The following CORO2B variants were observed in gnomAD, a reference collection of about 807,000 sequenced individuals.
CORO2B encodes the protein coronin-2B.
A neutral mutation model predicts 58.8 loss-of-function variants in CORO2B; 26 were observed. The ratio of observed to expected loss-of-function variants is 0.44; its 90% CI spans 0.32 to 0.61. The LOEUF (loss-of-function observed/expected upper bound fraction) is 0.61, where lower values mean the gene tolerates loss of function less well. Among genes scored for constraint, CORO2B ranks in the 20% least tolerant of loss-of-function variants. The pLI, the probability that CORO2B is intolerant of heterozygous loss-of-function variation, is 0.04. For missense variants in CORO2B, 460 were observed against 645.1 expected (o/e 0.71, Z 3.11); for synonymous variants, 242 against 253.8 (o/e 0.95, Z 0.44).
the CORO2B span, among the ~76,000 whole-genome samples, chr15:68,569,987 T>C: frequency 6.6e-6 from 1 of 152,342 alleles, no homozygotes; most frequent in Non-Finnish European, 1.5e-5. Flanking sequence ...CAGTGGGGTC[T>C]GTGGCCTTGG....
At chr15:68,669,187 G>GAAGCAAGC (rs71455600) in intron 2 of CORO2B, among the ~76,000 whole-genome samples, 1,607 of 151,648 alleles carry the variant, frequency 0.011, 27 homozygotes, top group African/African-American at 0.036. Flanking sequence ...AGAAAGAAAG[G>GAAGCAAGC]AAGCAAGCAA....
At chr15:68,564,017 C>A in the CORO2B span, among the ~76,000 whole-genome samples, 1 of 152,238 alleles carries the variant, frequency 6.6e-6, no homozygotes, top group African/African-American at 2.4e-5. Flanking sequence ...TTCTATAAAC[C>A]CAGCACTACC....
intron 1 of CORO2B, among the ~76,000 whole-genome samples, chr15:68,618,460 T>C (rs1900427714): frequency 6.6e-6 from 1 of 152,148 alleles, no homozygotes; most frequent in South Asian, 2.1e-4. Flanking sequence ...GTGAAAAGAT[T>C]TGAGTAAACA....
chr15:68,542,923 A>G, the CORO2B span, among the ~76,000 whole-genome samples: 5 of 152,368 alleles, frequency 3.3e-5, no homozygotes, highest in East Asian at 9.6e-4. Context: ...TCTGACAATC[A>G]GCAATCAATG....
chr15:68,704,031 C>T (rs1567014920), intron 3 of CORO2B, among the ~76,000 whole-genome samples: 9 of 91,898 alleles, frequency 9.8e-5, no homozygotes, highest in Non-Finnish European at 2.0e-4. Flanking sequence ...CCTTTCTCTA[C>T]ACACACATAC....
chr15:68,707,236 G>C (rs575833538), intron 3 of CORO2B, among the ~76,000 whole-genome samples: 6 of 152,276 alleles, frequency 3.9e-5, no homozygotes, highest in Non-Finnish European at 7.4e-5. Context: ...TGGCATTTTT[G>C]ACCTATCAGA....
At position 68,616,597 on chromosome 15, in the gene CORO2B, G is replaced by A. The variant is rs989400974; in HGVS notation, c.16-28563G>A. 3.6e-5 allele frequency: 35 copies of A among 985,452 alleles called. No individual in the cohort carries two copies. The South Asian group carries it at 6.1e-4, about 17-fold the overall frequency. 61.0% of individuals were successfully genotyped at this position (985,452 alleles called of 1,614,324 possible). On this transcript the variant is annotated intron_variant, in intron 1 of 11. Transcript: ENST00000261861. ...TGTGCAAGTCTTCCAGGCCGCGGTC[G>A]AATGATTCTGACAAGCGGTGAGTAC...
At chr15:68,584,612 C>G (rs942088010) in intron 1 of CORO2B, among the ~76,000 whole-genome samples, 11 of 152,174 alleles carry the variant, frequency 7.2e-5, no homozygotes, top group African/African-American at 2.7e-4. Context: ...CTCCTGGCAC[C>G]CGGGCAGCCC....
At chr15:68,627,305 T>C (rs1303468015) in intron 1 of CORO2B, among the ~76,000 whole-genome samples, 1 of 152,224 alleles carries the variant, frequency 6.6e-6, no homozygotes, top group Non-Finnish European at 1.5e-5. Flanking sequence ...AGTTTGGAGT[T>C]AGACCCGAAC....
At position 68,725,882 on chromosome 15, in the gene CORO2B, C is replaced by T. The variant is rs1261771963; in HGVS notation, c.1351C>T (p.Arg451Trp). ...MFFRQQDEIR[R>W]LKEELAQKDI... is the part of the protein sequence containing the mutation. Reference sequence around the variant, plus strand: ...CTTCCGGCAGCAGGATGAGATTCGACGGTTGAAAGAGGAGCTGGCCCAGAA... The same window carrying T: ...CTTCCGGCAGCAGGATGAGATTCGATGGTTGAAAGAGGAGCTGGCCCAGAA... Residue 451 changes from arginine to tryptophan, a missense_variant, in exon 12 of 12, where the codon CGG becomes TGG. Around this residue, in one of 2 missense-constraint regions of CORO2B, gnomAD observed 108 missense variants for 102.1 expected, o/e 1.06. Coordinates refer to ENST00000261861, the MANE Select transcript of CORO2B (RefSeq NM_006091.5). 3.1e-6 allele frequency: 5 copies of T among 1,614,000 alleles called. No individual in the cohort carries two copies. Among genetic ancestry groups the T allele is most frequent in the East Asian group, 2.2e-5 (1 of 44,868 alleles).
intron 1 of CORO2B, among the ~76,000 whole-genome samples, chr15:68,634,001 A>G (rs567833913): frequency 6.6e-6 from 1 of 152,370 alleles, no homozygotes; most frequent in East Asian, 1.9e-4. Flanking sequence ...AGAGTCGGTC[A>G]GGGCATGTCA....
At chr15:68,573,879 A>G in the CORO2B span, among the ~76,000 whole-genome samples, 1 of 152,232 alleles carries the variant, frequency 6.6e-6, no homozygotes, top group African/African-American at 2.4e-5. Context: ...GAGGCTGTGC[A>G]GCTAGACCAT....
At chr15:68,693,503 C>T (rs1395354289) in intron 2 of CORO2B, among the ~76,000 whole-genome samples, 2 of 152,208 alleles carry the variant, frequency 1.3e-5, no homozygotes, top group East Asian at 3.8e-4. Context: ...ACTGGAGAAA[C>T]TTCCTTGCCT....
At chr15:68,558,587 G>T in the CORO2B span, among the ~76,000 whole-genome samples, 1 of 152,150 alleles carries the variant, frequency 6.6e-6, no homozygotes, top group Non-Finnish European at 1.5e-5. Flanking sequence ...TGTTGCTCGG[G>T]CTGGTTTCAA....
At chr15:68,655,309 A>G (rs1328697128) in intron 2 of CORO2B, among the ~76,000 whole-genome samples, 1 of 152,184 alleles carries the variant, frequency 6.6e-6, no homozygotes, top group Non-Finnish European at 1.5e-5. Context: ...AGATGGAGGC[A>G]CAGCCCCATT....
chr15:68,531,207 G>A, the CORO2B span, among the ~76,000 whole-genome samples: 1 of 152,090 alleles, frequency 6.6e-6, no homozygotes, highest in African/African-American at 2.4e-5. Flanking sequence ...AAGGCCTGGT[G>A]TGCTGGCTCA....
chr15:68,573,925 C>T, the CORO2B span, among the ~76,000 whole-genome samples: 2 of 152,032 alleles, frequency 1.3e-5, no homozygotes, highest in African/African-American at 4.8e-5. Flanking sequence ...CTGGAGGAGG[C>T]GATACCTAAG....
chr15:68,561,002 G>A, the CORO2B span, among the ~76,000 whole-genome samples: 2 of 152,088 alleles, frequency 1.3e-5, no homozygotes, highest in Admixed American at 1.3e-4. Flanking sequence ...ATTTAGGAGG[G>A]GCCATATTTC....
chr15:68,528,687 GTGTT>G, the CORO2B span, among the ~76,000 whole-genome samples: 1 of 139,156 alleles, frequency 7.2e-6, no homozygotes, highest in Admixed American at 7.2e-5. Context: ...TTTTTTCTGA[GTGTT>G]TTTTTTTTTT....
Sources: allele counts gnomAD v4.1 joint callset (sites outside exome capture counted in the v4.1 genomes callset), GRCh38; gene constraint gnomAD v4.1.1; regional missense constraint gnomAD v4.1.1; transcripts MANE v1.5; gene names NCBI Gene and HGNC (gene_info 2026-07-23, HGNC 2026-07-21).